TEDC1: variants seen among roughly 807,000 people sequenced by gnomAD.
TEDC1 encodes tubulin epsilon and delta complex protein 1.
TEDC1 carries 54 observed loss-of-function variants against 59.9 expected under a neutral mutation model. That is an observed-to-expected ratio of 0.90 (90% CI 0.72 to 1.13). TEDC1 has a LOEUF of 1.13. Ranked by LOEUF, TEDC1 falls within the 50% of genes most tolerant of loss-of-function variation. The pLI, the probability that TEDC1 is intolerant of heterozygous loss-of-function variation, is 0.00. For synonymous variants in TEDC1, 353 were observed against 298.1 expected (o/e 1.18, Z -1.90); for missense variants, 734 against 683.4 (o/e 1.07, Z -0.83).
At position 105,491,604 on chromosome 14, in the gene TEDC1, G is replaced by C. The variant is rs2084210353; in HGVS notation, c.148-18G>C. 1 of 1,549,060 alleles carries C rather than the reference G, an allele frequency of 6.5e-7. No individual in the cohort carries two copies. The highest frequency in any genetic ancestry group is 8.7e-7 in the Non-Finnish European group (1 of 1,146,638). ...GTTGGGCCGGCTCCGCTGACCGCCC[G>C]CTTTTTATTTTCCGCAGACCTCCGC... On this transcript the variant is annotated intron_variant, in intron 1 of 8. Transcript: ENST00000392523.
Position 105,492,216 on chromosome 14 carries a change from G to A in TEDC1, c.336G>A (p.Leu112=), listed in dbSNP as rs372925511. 1 of 1,612,458 alleles carries A rather than the reference G, an allele frequency of 6.2e-7. No homozygotes were observed. Among genetic ancestry groups the A allele is most frequent in the Non-Finnish European group, 8.5e-7 (1 of 1,179,928 alleles). Residue 112 remains leucine, a synonymous_variant, in exon 3 of 9, where the codon CTG becomes CTA. Coordinates refer to ENST00000392523, the MANE Select transcript of TEDC1 (RefSeq NM_001367178.1). ...CGCAGGGCAGTCGGGAGCTGCTGCT[G>A]GCTCTGTCCTGGCTCTTGGCCCGAG... The part of the protein sequence containing the change: ...DGSQGSRELL[L]ALSWLLARGP...
Position 105,497,861 on chromosome 14 carries a change from C to A in TEDC1, c.1042C>A (p.Pro348Thr). ...TGCAGCCTCACAGCCCACCTTCCTG[C>A]CCTGGGTCCCCGAGCGCGGGGGTGG... Reference protein sequence around the residue: ...PAAASQPTFLPWVPERGGGEL... With the variant: ...PAAASQPTFLTWVPERGGGEL... Residue 348 changes from proline to threonine, a missense_variant, in exon 8 of 9, where the codon CCC becomes ACC. By Grantham distance (38) the Pro-to-Thr change is conservative. Coordinates refer to ENST00000392523, the MANE Select transcript of TEDC1 (RefSeq NM_001367178.1). 1 of 1,566,792 alleles carries A rather than the reference C, an allele frequency of 6.4e-7. No individual in the cohort carries two copies. The highest frequency in any genetic ancestry group is 1.9e-5 in the Admixed American group (1 of 52,730).
rs2084228647 is a variant in TEDC1 at position 105,492,112 on chromosome 14, C to T, written c.232C>T (p.Gln78Ter). ...GTGGTGGTCTTCTGTCCTAGAGGTC[C>T]AAGCCCGCTTGGTGAAGTCAGCACT... ...NALASLALEV[Q>*]ARLVKSALCS... The change falls in exon 3 of 9, where the codon CAA becomes TAA. Residue 78 changes from glutamine to a stop codon, truncating the protein, a stop_gained. Transcript: ENST00000392523. LOFTEE classifies it high-confidence loss of function. The T allele has an allele frequency of 8.1e-6, 13 of 1,602,960 alleles. No individual in the cohort carries two copies. Among genetic ancestry groups the T allele is most frequent in the Non-Finnish European group, 1.1e-5 (13 of 1,175,376 alleles).
chr14:105,491,519 G>A lies in TEDC1; in HGVS notation c.144G>A (p.Glu48=), dbSNP rs1595468892. The A allele has an allele frequency of 6.6e-7, 1 of 1,517,676 alleles. No homozygotes were observed. The highest frequency in any genetic ancestry group is 8.8e-7 in the Non-Finnish European group (1 of 1,132,034). The allele number at this position is 1,517,676 out of a possible 1,614,324, so 94.0% of individuals were successfully genotyped here. The stretch of plus-strand genomic sequence containing the variant: ...GCCGCGCCAAGTTCGACCGTCCGGA[G>A]GCGGTGACGCTCTCGCGGAGGGCAG... The part of the protein sequence containing the change: ...IFRRAKFDRP[E]ATSALWQLLF... Residue 48 remains glutamate, a synonymous_variant, in exon 1 of 9, where the codon GAG becomes GAA. Coordinates refer to ENST00000392523, the MANE Select transcript of TEDC1 (RefSeq NM_001367178.1).
At chr14:105,497,557 C>G in intron 7 of TEDC1, 114 bp downstream of exon 7, 1 of 1,314,684 alleles carries the variant, frequency 7.6e-7, no homozygotes, top group South Asian at 1.4e-5. Context: ...AGGGAGGCCA[C>G]AGACCTAGTG....
chr14:105,494,252 G>A (rs1219807016), intron 5 of TEDC1: 3 of 413,588 alleles, frequency 7.3e-6, no homozygotes, highest in South Asian at 4.7e-5. Context: ...ACAGATCTCA[G>A]GTGTGAGCTG....
At position 105,499,151 on chromosome 14, in the gene TEDC1, G is replaced by A. The variant is rs75392201; in HGVS notation, c.*205G>A. The A allele has an allele frequency of 3.3e-6, 2 of 612,400 alleles. No homozygotes were observed. Among genetic ancestry groups the A allele is most frequent in the African/African-American group, 1.8e-5 (1 of 54,066 alleles). 37.9% of individuals were successfully genotyped at this position (612,400 alleles called of 1,614,324 possible). A position where few individuals can be genotyped will look rare whatever the true frequency, so the allele number is the denominator to read the frequency against. Reference sequence around the variant, plus strand: ...GCAGCACTGGGGACAGGAATGGCTGGTCCCTTGAGGAGGTCGTGACAGGCT... The same window carrying A: ...GCAGCACTGGGGACAGGAATGGCTGATCCCTTGAGGAGGTCGTGACAGGCT... On this transcript the variant is annotated 3_prime_UTR_variant, in exon 9 of 9. Coordinates refer to ENST00000392523, the MANE Select transcript of TEDC1 (RefSeq NM_001367178.1).
chr14:105,492,687 C>T lies in TEDC1; in HGVS notation c.538C>T (p.Arg180Cys), dbSNP rs372232345. ...WLMGKLRFRW[R>C]QLVSSQQEQC... ...GATGGGAAAGCTGCGGTTCCGGTGGCGCCAGCTGGTGTCCAGTCAGCAGGA... is the reference window on the plus strand; with the variant it reads ...GATGGGAAAGCTGCGGTTCCGGTGGTGCCAGCTGGTGTCCAGTCAGCAGGA... Residue 180 changes from arginine to cysteine, a missense_variant, in exon 4 of 9, where the codon CGC becomes TGC. Arg to Cys is a radical substitution (Grantham distance 180, BLOSUM62 -3). Coordinates refer to ENST00000392523, the MANE Select transcript of TEDC1 (RefSeq NM_001367178.1). 7.1e-5 allele frequency: 109 copies of T among 1,544,580 alleles called. No individual in the cohort carries two copies. The highest frequency in any genetic ancestry group is 4.2e-4 in the African/African-American group (31 of 73,142).
chr14:105,491,532 T>TCGC lies in TEDC1; in HGVS notation c.147+11_147+13dup. On this transcript the variant is annotated intron_variant, in intron 1 of 8. Transcript: ENST00000392523. Reference sequence around the variant, plus strand: ...CGACCGTCCGGAGGCGGTGACGCTCTCGCGGAGGGCAGGCGGGCCGGGTGG... The same window carrying TCGC: ...CGACCGTCCGGAGGCGGTGACGCTCTCGCCGCGGAGGGCAGGCGGGCCGGGTGG... 1 of 1,525,030 alleles carries TCGC rather than the reference T, an allele frequency of 6.6e-7. No homozygotes were observed. Among genetic ancestry groups the TCGC allele is most frequent in the South Asian group, 1.2e-5 (1 of 81,198 alleles). 94.5% of individuals were successfully genotyped at this position (1,525,030 alleles called of 1,614,324 possible).
chr14:105,490,815 G>C (rs1555439059), upstream of TEDC1: 1 of 604,442 alleles, frequency 1.7e-6, no homozygotes, highest in South Asian at 1.9e-5. Flanking sequence ...CTGCGTAAGC[G>C]GCCCCACAGG....
chr14:105,497,406 CG>C lies in TEDC1; in HGVS notation c.942del (p.Trp315GlyfsTer47). ...RENQRLEAVL[A>X]WRRSELVFWR... ...AACCAGCGCCTGGAGGCTGTCCTGGCGTGGCGGCGCTCTGAGCTGGTCTTCT... is the reference window on the plus strand; with the variant it reads ...AACCAGCGCCTGGAGGCTGTCCTGGCTGGCGGCGCTCTGAGCTGGTCTTCT... On this transcript the variant is annotated frameshift_variant, in exon 7 of 9. Coordinates refer to ENST00000392523, the MANE Select transcript of TEDC1 (RefSeq NM_001367178.1). LOFTEE classifies it high-confidence loss of function. 1.3e-6 allele frequency: 2 copies of C among 1,551,908 alleles called. No individual in the cohort carries two copies. Among genetic ancestry groups the C allele is most frequent in the Non-Finnish European group, 1.7e-6 (2 of 1,149,044 alleles).
In TEDC1 at chr14:105,492,751, G is replaced by T. The variant is rs1555439776; in HGVS notation, c.585+17G>T. The T allele has an allele frequency of 7.1e-6, 11 of 1,538,534 alleles. No homozygotes were observed. Among genetic ancestry groups the T allele is most frequent in the Non-Finnish European group, 7.9e-6 (9 of 1,146,270 alleles). On this transcript the variant is annotated intron_variant, in intron 4 of 8. Coordinates refer to ENST00000392523, the MANE Select transcript of TEDC1 (RefSeq NM_001367178.1). ...CTGAGCAAGGTAGAGCTGGCACAGGGCTTCCACTCAGGGGCTGTGTCCCGT... is the reference window on the plus strand; with the variant it reads ...CTGAGCAAGGTAGAGCTGGCACAGGTCTTCCACTCAGGGGCTGTGTCCCGT...
chr14:105,495,918 C>G lies in TEDC1; in HGVS notation c.723C>G (p.Ala241=). The G allele has an allele frequency of 6.5e-7, 1 of 1,550,322 alleles. No homozygotes were observed. The highest frequency in any genetic ancestry group is 8.7e-7 in the Non-Finnish European group (1 of 1,146,918). Residue 241 remains alanine, a synonymous_variant, in exon 6 of 9, where the codon GCC becomes GCG. Coordinates refer to ENST00000392523, the MANE Select transcript of TEDC1 (RefSeq NM_001367178.1). ...GAGAAQNLDL[A]YPKCLHSFCT... is the part of the protein sequence containing the mutation. ...GAGCTGCCCAAAACCTGGACCTGGC[C>G]TACCCAAAGTGCCTGCACTCCTTCT...
chr14:105,496,230 C>T (rs1325808343), intron 6 of TEDC1, 144 bp downstream of exon 6: 10 of 808,756 alleles, frequency 1.2e-5, no homozygotes, highest in South Asian at 9.1e-5. Context: ...TGGTGATTGC[C>T]TTCTGTCAGG....
rs376848009 is a variant in TEDC1 at position 105,498,724 on chromosome 14, T to C, written c.1266T>C (p.Gly422=). ...GALQQCWERD[G]GPAQPHGPHR... ...TACAGCAGTGCTGGGAGCGAGACGG[T>C]GGCCCGGCCCAGCCCCATGGGCCAC... Residue 422 remains glycine, a synonymous_variant, in exon 9 of 9, where the codon GGT becomes GGC. Coordinates refer to ENST00000392523, the MANE Select transcript of TEDC1 (RefSeq NM_001367178.1). The C allele has an allele frequency of 6.4e-7, 1 of 1,554,952 alleles. No individual in the cohort carries two copies. Among genetic ancestry groups the C allele is most frequent in the African/African-American group, 1.4e-5 (1 of 73,398 alleles).
chr14:105,493,105 C>T (rs1430000134), intron 4 of TEDC1, among the ~76,000 whole-genome samples: 3 of 152,104 alleles, frequency 2.0e-5, no homozygotes, highest in South Asian at 2.1e-4. Flanking sequence ...GCTCCTGTTG[C>T]CACCACATCC....
At chr14:105,497,628 A>G in intron 7 of TEDC1, 170 bp from the exon 8 acceptor site, 1 of 1,118,032 alleles carries the variant, frequency 8.9e-7, no homozygotes, top group Non-Finnish European at 1.2e-6. Flanking sequence ...CCCCGCCCTC[A>G]GCTCCATGGC....
chr14:105,491,974 C>T, intron 2 of TEDC1, 133 bp from the exon 3 acceptor site: 1 of 1,008,576 alleles, frequency 9.9e-7, no homozygotes, highest in Non-Finnish European at 1.5e-6. Flanking sequence ...TGAGTTCTAG[C>T]TCTCCCACTA....
chr14:105,491,285 C>T lies in TEDC1; in HGVS notation c.-91C>T. The T allele has an allele frequency of 6.6e-7, 1 of 1,515,392 alleles. No homozygotes were observed. Among genetic ancestry groups the T allele is most frequent in the African/African-American group, 1.4e-5 (1 of 72,738 alleles). 93.9% of individuals were successfully genotyped at this position (1,515,392 alleles called of 1,614,324 possible). ...GCGGTAACTGGGCGCAGGTCCCAGC[C>T]GCCGCACTAAACCCGGCCCGTGCGG... On this transcript the variant is annotated 5_prime_UTR_variant, in exon 1 of 9. Transcript: ENST00000392523.
Sources: gnomAD v4.1 joint callset for allele counts (sites outside exome capture counted in the v4.1 genomes callset) on GRCh38, gnomAD v4.1.1 for gene constraint, MANE v1.5 for transcripts, NCBI Gene and HGNC (gene_info 2026-07-23, HGNC 2026-07-21) for gene names.